Variants in RARB observed in about 807,000 individuals in gnomAD.
RARB encodes the protein HBV-activated protein.
A neutral mutation model predicts 51.9 loss-of-function variants in RARB; 17 were observed. The ratio of observed to expected loss-of-function variants is 0.33; its 90% confidence interval spans 0.22 to 0.49. RARB has a LOEUF of 0.49. Ranked by LOEUF, RARB falls within the 20% of genes least tolerant of loss-of-function variation. RARB has a pLI of 0.99. For missense variants in RARB, 369 were observed against 550.8 expected, an observed-to-expected ratio of 0.67 and a Z score of 3.30; for synonymous variants, 215 against 195.4, an observed-to-expected ratio of 1.10 and a Z score of -0.84.
intron 5 of RARB, among the ~76,000 whole-genome samples, chr3:25,417,310 G>C (rs1034606303): frequency 3.7e-4 from 56 of 152,110 alleles, no homozygotes; most frequent in Middle Eastern, 3.4e-3. Flanking sequence ...CTCCCAGCAA[G>C]AAAGGAGAGA....
intron 4 of RARB, among the ~76,000 whole-genome samples, chr3:25,169,125 C>G (rs1413551454): frequency 1.3e-5 from 2 of 152,068 alleles, no homozygotes; most frequent in African/African-American, 2.4e-5. Context: ...AAGTGCAACA[C>G]AAAAATATTG....
intron 1 of RARB, among the ~76,000 whole-genome samples, chr3:24,856,802 C>T (rs549539872): frequency 6.6e-6 from 1 of 152,276 alleles, no homozygotes; most frequent in Admixed American, 6.5e-5. Context: ...AGAGGTCAGA[C>T]ATAGTCTGAG....
At chr3:25,290,759 T>C (rs1357210726) in intron 5 of RARB, among the ~76,000 whole-genome samples, 1 of 152,160 alleles carries the variant, frequency 6.6e-6, no homozygotes, top group Non-Finnish European at 1.5e-5. Context: ...TCTGTATATA[T>C]AAGGGCCATT....
At chr3:25,114,791 G>A (rs909418346) in intron 3 of RARB, among the ~76,000 whole-genome samples, 1 of 152,124 alleles carries the variant, frequency 6.6e-6, no homozygotes, top group Non-Finnish European at 1.5e-5. Context: ...GCCAAATGAT[G>A]GTTGGCAGCT....
intron 5 of RARB, among the ~76,000 whole-genome samples, chr3:25,193,793 C>G (rs1026555091): frequency 3.3e-5 from 5 of 151,770 alleles, no homozygotes; most frequent in African/African-American, 1.2e-4. Flanking sequence ...GAAATGGAGG[C>G]AACTATATAA....
intron 5 of RARB, among the ~76,000 whole-genome samples, chr3:25,361,868 G>C (rs1705947305): frequency 6.6e-6 from 1 of 152,164 alleles, no homozygotes; most frequent in African/African-American, 2.4e-5. Flanking sequence ...GTCCCAGAGG[G>C]GCACCAGCCA....
intron 1 of RARB, among the ~76,000 whole-genome samples, chr3:24,839,125 C>T (rs1487997559): frequency 6.6e-6 from 1 of 151,874 alleles, no homozygotes; most frequent in Non-Finnish European, 1.5e-5. Flanking sequence ...CTGGCATTGA[C>T]AAAGATACTA....
chr3:25,344,924 G>A (rs1263591290), intron 5 of RARB, among the ~76,000 whole-genome samples: 5 of 149,822 alleles, frequency 3.3e-5, no homozygotes, highest in Admixed American at 2.7e-4. Context: ...TCTCATGCAC[G>A]GTCTCTGAAA....
At chr3:24,908,700 GT>G (rs1283948756) in intron 2 of RARB, among the ~76,000 whole-genome samples, 16 of 108,380 alleles carry the variant, frequency 1.5e-4, no homozygotes, top group Non-Finnish European at 5.2e-5. Flanking sequence ...CTAACCTACA[GT>G]TAATTCACAT....
intron 5 of RARB, among the ~76,000 whole-genome samples, chr3:25,350,132 C>T (rs73156039): frequency 0.017 from 2,558 of 152,166 alleles, 76 homozygotes; most frequent in African/African-American, 0.058. Context: ...GGAACTGGCC[C>T]ATCATTGCTT....
At chr3:25,580,862 T>G (rs1004585554) in intron 5 of RARB, 140 bp downstream of exon 5, 112 of 896,362 alleles carry the variant, frequency 1.2e-4, no homozygotes, top group Non-Finnish European at 1.7e-4. Flanking sequence ...ACTTAGTAGG[T>G]GGACTCACCT....
chr3:25,139,131 C>T (rs961700417), intron 4 of RARB, among the ~76,000 whole-genome samples: 3 of 152,026 alleles, frequency 2.0e-5, no homozygotes, highest in African/African-American at 7.2e-5. Flanking sequence ...CCCTCTTTTC[C>T]AACTTCCATA....
At chr3:24,872,497 C>A (rs967030988) in intron 2 of RARB, among the ~76,000 whole-genome samples, 1 of 152,132 alleles carries the variant, frequency 6.6e-6, no homozygotes, top group African/African-American at 2.4e-5. Context: ...GCAAGAAGCA[C>A]GGTGCCAATA....
chr3:25,413,665 T>G (rs1022041284), intron 5 of RARB, among the ~76,000 whole-genome samples: 36 of 151,798 alleles, frequency 2.4e-4, no homozygotes, highest in Admixed American at 6.6e-4. Context: ...TTGTTTTTTG[T>G]TTTTTGTTTT....
intron 5 of RARB, among the ~76,000 whole-genome samples, chr3:25,328,851 AG>A (rs1407528781): frequency 6.6e-6 from 1 of 152,230 alleles, no homozygotes; most frequent in African/African-American, 2.4e-5. Flanking sequence ...CAATGGTCTT[AG>A]CAAATGGCAC....
Position 25,146,492 on chromosome 3 carries a change from G to GTTTTTTTT in RARB, c.-280+14290_-280+14291insTTTTTTTT, listed in dbSNP as rs751190061. 1.2e-3 allele frequency among the ~76,000 whole-genome samples: 156 copies of GTTTTTTTT among 126,272 alleles called. 1 individual carries two copies. The highest frequency in any genetic ancestry group is 2.2e-3 in the Non-Finnish European group (127 of 58,944). The allele number at this position is 126,272 out of a possible 152,430, so 82.8% of individuals were successfully genotyped here. On this transcript the variant is annotated intron_variant, in intron 4 of 11. Coordinates refer to the RARB transcript ENST00000383772. Reference sequence around the variant, plus strand: ...CAGCCTGCAGGCTATAATTTGCTAAGTTTTTTGTTTGTTTGTTTGTTTTTT... The same window carrying GTTTTTTTT: ...CAGCCTGCAGGCTATAATTTGCTAAGTTTTTTTTTTTTTTGTTTGTTTGTTTGTTTTTT...
intron 3 of RARB, among the ~76,000 whole-genome samples, chr3:25,554,234 A>T (rs1371902512): frequency 1.3e-5 from 2 of 149,940 alleles, no homozygotes; most frequent in East Asian, 3.9e-4. Flanking sequence ...CTGATAGCTG[A>T]AATAAAACAA....
At chr3:24,991,209 G>C (rs562537030) in intron 2 of RARB, among the ~76,000 whole-genome samples, 138 of 152,320 alleles carry the variant, frequency 9.1e-4, no homozygotes, top group Non-Finnish European at 1.7e-3. Flanking sequence ...GGGAGGCTGA[G>C]GTGGGCAGAT....
chr3:24,995,275 CT>C (rs925796379), intron 2 of RARB, among the ~76,000 whole-genome samples: 4 of 149,792 alleles, frequency 2.7e-5, no homozygotes, highest in African/African-American at 9.8e-5. Context: ...TTTTTTATGT[CT>C]TTTTTTCAGC....
Sources: gnomAD v4.1 joint callset for allele counts (sites outside exome capture counted in the v4.1 genomes callset) on GRCh38, gnomAD v4.1.1 for gene constraint, MANE v1.5 for transcripts, NCBI Gene and HGNC (gene_info 2026-07-23, HGNC 2026-07-21) for gene names.